MYLK2: variants seen among roughly 807,000 people sequenced by gnomAD.
The protein encoded by MYLK2 is myosin light chain kinase 2, also known as myosin light chain kinase 2, skeletal/cardiac muscle.
In MYLK2, 27 loss-of-function variants were observed where a neutral mutation model predicts 58.2. The observed-to-expected ratio is 0.46, with a 90% CI of 0.34 to 0.64. The LOEUF is 0.64. Among genes scored for constraint, MYLK2 ranks in the 30% least tolerant of loss-of-function variants. The probability of loss-of-function intolerance (pLI) is 0.01; values close to 1 mark genes in which losing one functional copy is unlikely to be tolerated. For synonymous variants in MYLK2, 310 were observed against 296.7 expected (o/e 1.04, Z -0.46); for missense variants, 676 against 764.3 (o/e 0.88, Z 1.36).
intron 6 of MYLK2, among the ~76,000 whole-genome samples, chr20:31,825,592 A>G (rs2123133297): frequency 6.6e-6 from 1 of 152,292 alleles, no homozygotes; most frequent in East Asian, 1.9e-4. Flanking sequence ...TAGGAGGGAA[A>G]ATAAAGCCAG....
At chr20:31,831,613 C>G in intron 10 of MYLK2, 90 bp from the exon 11 acceptor site, 1 of 1,470,944 alleles carries the variant, frequency 6.8e-7, no homozygotes, top group South Asian at 1.1e-5. Flanking sequence ...GGTGCTGCCT[C>G]CTAGGATCTG....
chr20:31,824,125 T>G (rs1600409319), intron 5 of MYLK2, 134 bp from the exon 6 acceptor site: 2 of 1,521,640 alleles, frequency 1.3e-6, no homozygotes. Context: ...CTGGCTGGGG[T>G]GAGTGCTCCC....
At chr20:31,821,262 A>G (rs1216887065) in intron 3 of MYLK2, among the ~76,000 whole-genome samples, 177 bp from the exon 4 acceptor site, 1 of 152,256 alleles carries the variant, frequency 6.6e-6, no homozygotes, top group Non-Finnish European at 1.5e-5. Context: ...GTGTGTTGGT[A>G]GTCAAGATAA....
intron 4 of MYLK2, among the ~76,000 whole-genome samples, chr20:31,823,089 AC>A (rs2062259595): frequency 1.3e-5 from 2 of 152,148 alleles, no homozygotes; most frequent in Non-Finnish European, 2.9e-5. Flanking sequence ...AGGTCCCACC[AC>A]CTACCCCATT....
Position 31,824,252 on chromosome 20 carries a change from T to C in MYLK2, c.879-7T>C, listed in dbSNP as rs1057521613. The C allele has an allele frequency of 6.2e-7, 1 of 1,612,860 alleles. No individual in the cohort carries two copies. ...GTCCCCTCACTTACAGCCTCTTCTC[T>C]TTCCAGTGGCAAGTTTGGGGCAGTC... is the stretch of plus-strand genomic sequence containing the variant. On this transcript the variant is annotated splice_region_variant and splice_polypyrimidine_tract_variant and intron_variant, in intron 5 of 12. Transcript: ENST00000375985.
chr20:31,830,877 G>A lies in MYLK2; in HGVS notation c.1283G>A (p.Gly428Asp). ...CATTTGGTGAAGATCATTGACTTTGGCCTGGCACGGAGGTACCACCTGGGT... is the reference window on the plus strand; with the variant it reads ...CATTTGGTGAAGATCATTGACTTTGACCTGGCACGGAGGTACCACCTGGGT... ...TGHLVKIIDF[G>D]LARRYNPNEK... is the part of the protein sequence containing the mutation. The change falls in exon 9 of 13, where the codon GGC becomes GAC. Residue 428 changes from glycine to aspartate, a missense_variant. By Grantham distance (94) the Gly-to-Asp change is moderately conservative. Coordinates refer to ENST00000375985, the MANE Select transcript of MYLK2 (RefSeq NM_033118.4). The A allele has an allele frequency of 6.3e-7, 1 of 1,594,722 alleles. No homozygotes were observed. The highest frequency in any genetic ancestry group is 8.6e-7 in the Non-Finnish European group (1 of 1,169,542).
Position 31,820,556 on chromosome 20 carries a change from C to T in MYLK2, c.473+10C>T, listed in dbSNP as rs958044110. 6.3e-7 allele frequency: 1 copy of T among 1,599,384 alleles called. No homozygotes were observed. The highest frequency in any genetic ancestry group is 1.3e-5 in the African/African-American group (1 of 75,052). On this transcript the variant is annotated intron_variant, in intron 3 of 12. Transcript: ENST00000375985. ...CTGCCATCATCTCCAGGTGAATATC[C>T]CCTCCTGGGAGTGGGGAGGGGTCCT... is the stretch of plus-strand genomic sequence containing the variant.
chr20:31,830,129 T>C (rs1184786587), intron 8 of MYLK2, among the ~76,000 whole-genome samples: 1 of 152,174 alleles, frequency 6.6e-6, no homozygotes, highest in African/African-American at 2.4e-5. Context: ...CCGAGTCACT[T>C]CTGTGTCTGA....
At position 31,834,248 on chromosome 20, in the gene MYLK2, T is replaced by G. The variant is rs977863939; in HGVS notation, c.*451T>G. On this transcript the variant is annotated 3_prime_UTR_variant, in exon 13 of 13. Coordinates refer to ENST00000375985, the MANE Select transcript of MYLK2 (RefSeq NM_033118.4). ...GTGGTTGTGGATGGGAGGCTCCTGG[T>G]GGGGCAGAAAGGCTGCAACGCTGAT... 3.0e-5 allele frequency: 6 copies of G among 197,474 alleles called. No homozygotes were observed. The highest frequency in any genetic ancestry group is 6.5e-5 in the Non-Finnish European group (6 of 92,848). 12.2% of individuals were successfully genotyped at this position (197,474 alleles called of 1,614,324 possible).
Position 31,823,479 on chromosome 20 carries a change from G to T in MYLK2, c.775G>T (p.Asp259Tyr). The change falls in exon 5 of 13, where the codon GAT becomes TAT. Residue 259 changes from aspartate to tyrosine, a missense_variant and splice_region_variant. Physicochemically the swap from Asp to Tyr is radical, Grantham distance 160. Coordinates refer to ENST00000375985, the MANE Select transcript of MYLK2 (RefSeq NM_033118.4). ...GAGGGCTGTGCTCTGTCCCCCAGAT[G>T]ATTGCCCGCCACCTCCGGCCCCCTT... Reference protein sequence around the residue: ...REEDCFQILDDCPPPPAPFPH... With the variant: ...REEDCFQILDYCPPPPAPFPH... 1 of 1,612,614 alleles carries T rather than the reference G, an allele frequency of 6.2e-7. No individual in the cohort carries two copies. The highest frequency in any genetic ancestry group is 8.5e-7 in the Non-Finnish European group (1 of 1,179,980).
At position 31,824,372 on chromosome 20, in the gene MYLK2, G is replaced by T; in HGVS notation, c.972+20G>T. ...GACAAGGTAGTGAGGTTGCGGGGGTGGTGGCTGCCCAGGATGGGGAGGGGA... is the reference window on the plus strand; with the variant it reads ...GACAAGGTAGTGAGGTTGCGGGGGTTGTGGCTGCCCAGGATGGGGAGGGGA... On this transcript the variant is annotated intron_variant, in intron 6 of 12. Transcript: ENST00000375985. 6.2e-7 allele frequency: 1 copy of T among 1,600,526 alleles called. No homozygotes were observed. Among genetic ancestry groups the T allele is most frequent in the Non-Finnish European group, 8.5e-7 (1 of 1,172,194 alleles).
intron 4 of MYLK2, among the ~76,000 whole-genome samples, chr20:31,823,133 C>T (rs934514253): frequency 4.6e-5 from 7 of 152,250 alleles, no homozygotes; most frequent in Admixed American, 3.3e-4. Context: ...GCCTGGCATT[C>T]CGCTTTATAG....
intron 8 of MYLK2, among the ~76,000 whole-genome samples, chr20:31,829,050 G>A (rs2123137559): frequency 6.6e-6 from 1 of 152,244 alleles, no homozygotes; most frequent in Non-Finnish European, 1.5e-5. Context: ...GGTGAGTCCT[G>A]AGTTACTGGA....
intron 6 of MYLK2, among the ~76,000 whole-genome samples, chr20:31,826,274 T>C (rs1004462995): frequency 2.6e-5 from 4 of 152,198 alleles, no homozygotes; most frequent in East Asian, 3.9e-4. Context: ...TATTTGGAAA[T>C]TGATGACTTT....
Position 31,824,560 on chromosome 20 carries a change from G to C in MYLK2, c.972+208G>C, listed in dbSNP as rs946903498. On this transcript the variant is annotated intron_variant, in intron 6 of 12. Coordinates refer to ENST00000375985, the MANE Select transcript of MYLK2 (RefSeq NM_033118.4). ...TACCCATAACCAGATACTTCAGTTA[G>C]TGAACTTATCTGGGGACTTCCCTTT... 18 of 985,294 alleles carry C rather than the reference G, an allele frequency of 1.8e-5. No individual in the cohort carries two copies. The African/African-American group carries it at 3.1e-4, about 17-fold the overall frequency. 61.0% of individuals were successfully genotyped at this position (985,294 alleles called of 1,614,324 possible).
rs780057877 is a variant in MYLK2, at chr20:31,826,797, C to T, written c.1083C>T (p.Tyr361=). ...GCCGTGGAGGGGTCTGTGCACACAG[C>T]ATCGAGGGCGGAGAGCTCTTCGAGA... ...TPHEIVLFME[Y]IEGGELFERI... Residue 361 remains tyrosine, a splice_region_variant and synonymous_variant, in exon 8 of 13, where the codon TAC becomes TAT. Coordinates refer to ENST00000375985, the MANE Select transcript of MYLK2 (RefSeq NM_033118.4). 50 of 1,613,992 alleles carry T rather than the reference C, an allele frequency of 3.1e-5. No homozygotes were observed. Among genetic ancestry groups the T allele is most frequent in the African/African-American group, 4.0e-5 (3 of 74,896 alleles).
Position 31,819,573 on chromosome 20 carries a change from C to T in MYLK2, c.-8C>T. 6.4e-7 allele frequency: 1 copy of T among 1,551,558 alleles called. No homozygotes were observed. The highest frequency in any genetic ancestry group is 1.4e-5 in the African/African-American group (1 of 73,156). ...TTAGACAAGCAGCAGCACACGCCTCCCTACCTCATGGCGACAGAAAATGGA... is the reference window on the plus strand; with the variant it reads ...TTAGACAAGCAGCAGCACACGCCTCTCTACCTCATGGCGACAGAAAATGGA... On this transcript the variant is annotated 5_prime_UTR_variant, in exon 2 of 13. Coordinates refer to ENST00000375985, the MANE Select transcript of MYLK2 (RefSeq NM_033118.4).
In MYLK2 at chr20:31,826,718, A is replaced by C. The variant is rs758294629; in HGVS notation, c.1082+4A>C. On this transcript the variant is annotated splice_donor_region_variant and intron_variant, in intron 7 of 12. Coordinates refer to ENST00000375985, the MANE Select transcript of MYLK2 (RefSeq NM_033118.4). ...AGATCGTCCTGTTCATGGAGTAGTG[A>C]GTGCCCGAAGTAGTGGTAGGGGCTG... The C allele has an allele frequency of 1.9e-6, 3 of 1,613,850 alleles. No homozygotes were observed. In the East Asian group the frequency reaches 6.7e-5, roughly 36 times the overall value.
chr20:31,821,272 A>G (rs1361166887), intron 3 of MYLK2, among the ~76,000 whole-genome samples, 167 bp from the exon 4 acceptor site: 1 of 152,238 alleles, frequency 6.6e-6, no homozygotes, highest in Non-Finnish European at 1.5e-5. Context: ...AGTCAAGATA[A>G]TGACCACAGC....
Sources: gnomAD v4.1 joint callset for allele counts (sites outside exome capture counted in the v4.1 genomes callset) on GRCh38, gnomAD v4.1.1 for gene constraint, MANE v1.5 for transcripts, NCBI Gene and HGNC (gene_info 2026-07-23, HGNC 2026-07-21) for gene names.